The following DLG5 variants were observed in gnomAD, a reference collection of about 807,000 sequenced individuals.
DLG5 encodes discs large MAGUK scaffold protein 5.
A neutral mutation model predicts 189.8 loss-of-function variants in DLG5; 48 were observed. The observed-to-expected ratio is 0.25, with a 90% CI of 0.20 to 0.32. The LOEUF is 0.32. DLG5 is among the 10% of genes least tolerant of loss of function. The probability of loss-of-function intolerance (pLI) is 1.00; values close to 1 mark genes in which losing one functional copy is unlikely to be tolerated. For synonymous variants in DLG5, 1,016 were observed against 1,054.1 expected (o/e 0.96, Z 0.70); for missense variants, 2,160 against 2,544.7 (o/e 0.85, Z 3.25).
intron 2 of DLG5, among the ~76,000 whole-genome samples, chr10:77,867,519 T>C (rs1164512313): frequency 6.6e-6 from 1 of 152,154 alleles, no homozygotes. Flanking sequence ...AACAATCCCA[T>C]CATTCCATTG....
rs1030045337 is a variant in DLG5 at position 77,835,857 on chromosome 10, C to G, written c.1503G>C (p.Gln501His). 1 of 1,613,968 alleles carries G rather than the reference C, an allele frequency of 6.2e-7. No homozygotes were observed. Among genetic ancestry groups the G allele is most frequent in the African/African-American group, 1.3e-5 (1 of 74,916 alleles). ...TCAGCTCCTGGCACAGAGCCTTGCA[C>G]TGCTTTCGAAGGATTTCAACCTCCT... ...ANKEVEILRKQCKALCQELKE... is the reference protein window; with the variant it reads ...ANKEVEILRKHCKALCQELKE... Residue 501 changes from glutamine (Q) to histidine (H), a missense_variant, in exon 8 of 32, where the codon CAG becomes CAC. This residue lies in a region of DLG5 where 664 missense variants were observed against 838.5 expected (regional missense o/e 0.79). Transcript: ENST00000372391.
At chr10:77,852,511 G>A (rs959335967) in intron 5 of DLG5, among the ~76,000 whole-genome samples, 1 of 152,060 alleles carries the variant, frequency 6.6e-6, no homozygotes. Flanking sequence ...TGCCTGCCGG[G>A]TTCACGCCAT....
At chr10:77,911,209 C>T (rs1338318482) in intron 1 of DLG5, among the ~76,000 whole-genome samples, 1 of 152,050 alleles carries the variant, frequency 6.6e-6, no homozygotes, top group African/African-American at 2.4e-5. Flanking sequence ...GCTCATGCAA[C>T]CTCTACCTGT....
At chr10:77,894,869 C>T (rs947049828) in intron 1 of DLG5, among the ~76,000 whole-genome samples, 1 of 152,154 alleles carries the variant, frequency 6.6e-6, no homozygotes, top group Non-Finnish European at 1.5e-5. Flanking sequence ...TGGCACTATC[C>T]ACTCCAGAGG....
At chr10:77,860,055 C>T (rs1489591313) in intron 2 of DLG5, among the ~76,000 whole-genome samples, 1 of 152,200 alleles carries the variant, frequency 6.6e-6, no homozygotes, top group Admixed American at 6.5e-5. Flanking sequence ...TAACCAAGCC[C>T]AGGGGGAGGT....
At chr10:77,865,704 G>A (rs1019897600) in intron 2 of DLG5, among the ~76,000 whole-genome samples, 6 of 152,132 alleles carry the variant, frequency 3.9e-5, no homozygotes, top group Admixed American at 1.3e-4. Context: ...GTAGGGTCGG[G>A]GGCAGGTCAC....
chr10:77,854,517 A>G, intron 3 of DLG5, 147 bp from the exon 4 acceptor site: 1 of 1,106,378 alleles, frequency 9.0e-7, no homozygotes, highest in Non-Finnish European at 1.3e-6. Flanking sequence ...TTAAACTCAG[A>G]TATCCTGGCC....
chr10:77,803,710 T>G (rs974377939), intron 27 of DLG5, among the ~76,000 whole-genome samples: 1 of 151,870 alleles, frequency 6.6e-6, no homozygotes, highest in East Asian at 1.9e-4. Context: ...AAAGGAAGAA[T>G]AGACAAAGGG....
Position 77,824,477 on chromosome 10 carries a change from C to G in DLG5, c.2290-1G>C. On this transcript the variant is annotated splice_acceptor_variant, in intron 13 of 31. Coordinates refer to ENST00000372391, the MANE Select transcript of DLG5 (RefSeq NM_004747.4). LOFTEE classifies it high-confidence loss of function. ...TGTTGTCCAGTGCAATGCCATTGATCTAGAGCAGGACAGAGAGCATGTCAG... is the reference window on the plus strand; with the variant it reads ...TGTTGTCCAGTGCAATGCCATTGATGTAGAGCAGGACAGAGAGCATGTCAG... 6.2e-7 allele frequency: 1 copy of G among 1,613,164 alleles called. No individual in the cohort carries two copies.
rs748163447 is a variant in DLG5, at chr10:77,816,998, A to C, written c.3874+9T>G. ...AGCAGGAGAGATGGGAATGTCGAGA[A>C]GTCCTTACCTCTCTCGGAGCCCACG... On this transcript the variant is annotated intron_variant, in intron 19 of 31. Coordinates refer to ENST00000372391, the MANE Select transcript of DLG5 (RefSeq NM_004747.4). 1.1e-5 allele frequency: 17 copies of C among 1,612,844 alleles called. No homozygotes were observed. Among genetic ancestry groups the C allele is most frequent in the Non-Finnish European group, 1.4e-5 (17 of 1,179,226 alleles).
At chr10:77,857,423 C>CGGCTTGCAA (rs1554824319) in intron 2 of DLG5, among the ~76,000 whole-genome samples, 8 of 152,238 alleles carry the variant, frequency 5.3e-5, no homozygotes, top group African/African-American at 1.9e-4. Flanking sequence ...GGACAGTGCA[C>CGGCTTGCAA]GGCTCCCTTT....
chr10:77,873,525 C>T (rs574370439), intron 1 of DLG5, among the ~76,000 whole-genome samples: 3 of 152,180 alleles, frequency 2.0e-5, no homozygotes, highest in Non-Finnish European at 4.4e-5. Context: ...CACTGGGTCA[C>T]GAAGACCACT....
chr10:77,835,673 G>T, intron 8 of DLG5, 65 bp downstream of exon 8: 1 of 1,505,198 alleles, frequency 6.6e-7, no homozygotes, highest in South Asian at 1.3e-5. Flanking sequence ...CCTCCCAACA[G>T]ACCCTAGCAG....
chr10:77,871,027 A>T (rs1427798862), intron 1 of DLG5, among the ~76,000 whole-genome samples: 1 of 152,242 alleles, frequency 6.6e-6, no homozygotes, highest in African/African-American at 2.4e-5. Context: ...GCACTAGGAC[A>T]GGCGTGACCG....
rs186699865 is a variant in DLG5 at position 77,894,904 on chromosome 10, G to A, written c.305-25707C>T. 1.5e-3 allele frequency among the ~76,000 whole-genome samples: 229 copies of A among 152,248 alleles called. 2 individuals carry two copies. Among genetic ancestry groups the A allele is most frequent in the African/African-American group, 5.4e-3 (224 of 41,552 alleles). Reference sequence around the variant, plus strand: ...GTCTTGTACCGGTCTCTGTTCCAGGGGCAAGGGGTTTGCCAAGACCCCAGC... The same window carrying A: ...GTCTTGTACCGGTCTCTGTTCCAGGAGCAAGGGGTTTGCCAAGACCCCAGC... On this transcript the variant is annotated intron_variant, in intron 1 of 31. Coordinates refer to ENST00000372391, the MANE Select transcript of DLG5 (RefSeq NM_004747.4).
At chr10:77,872,407 C>T (rs1844937070) in intron 1 of DLG5, among the ~76,000 whole-genome samples, 1 of 152,238 alleles carries the variant, frequency 6.6e-6, no homozygotes. Context: ...TCTTCCCTGT[C>T]CCTGCAGTCC....
At chr10:77,932,119 C>T in the DLG5 span, among the ~76,000 whole-genome samples, 8 of 152,274 alleles carry the variant, frequency 5.3e-5, 1 homozygote, top group Admixed American at 4.6e-4. Flanking sequence ...ATGGGGATGT[C>T]AATAATAGTA....
chr10:77,829,956 G>A (rs915599781), intron 11 of DLG5, among the ~76,000 whole-genome samples: 11 of 152,134 alleles, frequency 7.2e-5, no homozygotes, highest in African/African-American at 2.4e-4. Flanking sequence ...GGGCTCTCAC[G>A]CATACCCCTT....
At chr10:77,836,932 G>C (rs947622406) in intron 7 of DLG5, among the ~76,000 whole-genome samples, 3 of 151,686 alleles carry the variant, frequency 2.0e-5, no homozygotes, top group African/African-American at 7.3e-5. Context: ...AATTATTTGG[G>C]GGCAGGGTAC....
Sources: gnomAD v4.1 joint callset for allele counts (sites outside exome capture counted in the v4.1 genomes callset) on GRCh38, gnomAD v4.1.1 for gene constraint, gnomAD v4.1.1 regional missense constraint, MANE v1.5 for transcripts, NCBI Gene and HGNC (gene_info 2026-07-23, HGNC 2026-07-21) for gene names.